PAPPA2: variants seen among roughly 807,000 people sequenced by gnomAD.
PAPPA2 encodes the protein pappalysin 2.
In PAPPA2, 86 loss-of-function variants were observed where a neutral mutation model predicts 176.4. The observed-to-expected ratio is 0.49, with a 90% CI of 0.41 to 0.58. PAPPA2 has a LOEUF of 0.58. Among genes scored for constraint, PAPPA2 ranks in the 20% least tolerant of loss-of-function variants. The probability of loss-of-function intolerance (pLI) is 0.00; values close to 1 mark genes in which losing one functional copy is unlikely to be tolerated. For synonymous variants in PAPPA2, 809 were observed against 852.2 expected (o/e 0.95, Z 0.88); for missense variants, 2,073 against 2,256.9 (o/e 0.92, Z 1.65).
intron 3 of PAPPA2, among the ~76,000 whole-genome samples, chr1:176,668,800 A>T (rs1207068336): frequency 1.3e-5 from 2 of 152,176 alleles, no homozygotes; most frequent in Admixed American, 1.3e-4. Context: ...ACTTGACGAC[A>T]TATATCTGTA....
intron 3 of PAPPA2, among the ~76,000 whole-genome samples, chr1:176,625,671 C>A (rs541456253): frequency 6.6e-6 from 1 of 152,246 alleles, no homozygotes; most frequent in South Asian, 2.1e-4. Context: ...AAATTTATTT[C>A]AAAAATAGAG....
At chr1:176,706,564 T>C (rs1368714502) in intron 10 of PAPPA2, 114 bp downstream of exon 10, 1 of 836,662 alleles carries the variant, frequency 1.2e-6, no homozygotes, top group Non-Finnish European at 1.9e-6. Context: ...TAACCTCTGA[T>C]GTGTCCCTTG....
chr1:176,842,715 AT>A lies in PAPPA2; in HGVS notation c.*262del, dbSNP rs2102995041. On this transcript the variant is annotated 3_prime_UTR_variant, in exon 23 of 23. Transcript: ENST00000367662. ...ACATGGAAGGGGAAATATGATAGAT[AT>A]ATAAGGACCCTCCTCCCTCACTTAT... The A allele has an allele frequency of 2.1e-6, 1 of 465,688 alleles. No individual in the cohort carries two copies. The highest frequency in any genetic ancestry group is 2.0e-5 in the African/African-American group (1 of 50,486). 28.8% of individuals were successfully genotyped at this position (465,688 alleles called of 1,614,324 possible). A position where few individuals can be genotyped will look rare whatever the true frequency, so the allele number is the denominator to read the frequency against.
chr1:176,621,376 T>C (rs762218350), intron 3 of PAPPA2, among the ~76,000 whole-genome samples: 8 of 152,162 alleles, frequency 5.3e-5, no homozygotes, highest in African/African-American at 1.9e-4. Flanking sequence ...GGCACAGTGA[T>C]AGACAAACGG....
At chr1:176,659,775 T>C (rs1323913881) in intron 3 of PAPPA2, among the ~76,000 whole-genome samples, 1 of 152,100 alleles carries the variant, frequency 6.6e-6, no homozygotes, top group Non-Finnish European at 1.5e-5. Context: ...TAAGAACTTA[T>C]CTCTTTAATG....
intron 6 of PAPPA2, among the ~76,000 whole-genome samples, chr1:176,694,566 T>C (rs966572709): frequency 1.3e-5 from 2 of 152,246 alleles, no homozygotes; most frequent in African/African-American, 4.8e-5. Context: ...AAGATGTTAT[T>C]GAGACCCTGA....
At position 176,771,164 on chromosome 1, in the gene PAPPA2, G is replaced by A. The variant is rs763531178; in HGVS notation, c.4699G>A (p.Glu1567Lys). Residue 1567 changes from glutamate (E) to lysine (K), a missense_variant, in exon 17 of 23, where the codon GAG (glutamate) becomes AAG (lysine). Transcript: ENST00000367662. The stretch of plus-strand genomic sequence containing the variant: ...AGGGTACTATGTGGCAGAAAGTGCA[G>A]AGGGTAAAGTCAGGAAGTAAGTTGA... Reference protein sequence around the residue: ...KPGYYVAESAEGKVRNKLLKI... With the variant: ...KPGYYVAESAKGKVRNKLLKI... 2 of 1,614,188 alleles carry A rather than the reference G, an allele frequency of 1.2e-6. No individual in the cohort carries two copies. Among genetic ancestry groups the A allele is most frequent in the South Asian group, 2.2e-5 (2 of 91,088 alleles).
chr1:176,826,465 G>A (rs1183099871), intron 21 of PAPPA2, among the ~76,000 whole-genome samples: 1 of 152,176 alleles, frequency 6.6e-6, no homozygotes, highest in Admixed American at 6.5e-5. Flanking sequence ...CAAGACACTC[G>A]CACAGAGAAT....
At chr1:176,829,628 C>T (rs1667008983) in intron 21 of PAPPA2, among the ~76,000 whole-genome samples, 1 of 152,240 alleles carries the variant, frequency 6.6e-6, no homozygotes, top group South Asian at 2.1e-4. Context: ...TGTCCCGGGC[C>T]TTCTTGTGGG....
At position 176,695,855 on chromosome 1, in the gene PAPPA2, T is replaced by A. The variant is rs749855203; in HGVS notation, c.2742T>A (p.Ala914=). Residue 914 remains alanine (A), a synonymous_variant, in exon 7 of 23, where the codon GCT becomes GCA. Transcript: ENST00000367662. ...DSSGYWTPEE[A]VGPPDVDQPC... ...CAGGTTATTGGACCCCAGAGGAGGCTGTGGGTAAAGTACCATGACATTTTT... is the reference window on the plus strand; with the variant it reads ...CAGGTTATTGGACCCCAGAGGAGGCAGTGGGTAAAGTACCATGACATTTTT... 3 of 1,613,770 alleles carry A rather than the reference T, an allele frequency of 1.9e-6. No homozygotes were observed. Among genetic ancestry groups the A allele is most frequent in the Non-Finnish European group, 2.5e-6 (3 of 1,179,980 alleles).
intron 17 of PAPPA2, among the ~76,000 whole-genome samples, chr1:176,775,972 G>T (rs768764050): frequency 6.6e-6 from 1 of 152,278 alleles, no homozygotes; most frequent in South Asian, 2.1e-4. Context: ...AGGTTGTAAA[G>T]TATATGTAGT....
chr1:176,818,772 T>C (rs1457463526), intron 21 of PAPPA2, among the ~76,000 whole-genome samples: 1 of 152,310 alleles, frequency 6.6e-6, no homozygotes, highest in South Asian at 2.1e-4. Context: ...GCTGAAGCCC[T>C]GTGGCAATTC....
chr1:176,628,386 T>A (rs190505465), intron 3 of PAPPA2, among the ~76,000 whole-genome samples: 2 of 152,274 alleles, frequency 1.3e-5, no homozygotes, highest in East Asian at 3.9e-4. Flanking sequence ...ATCTTTCAAT[T>A]AATGAACTTG....
At chr1:176,495,680 T>C (rs964862081) in intron 1 of PAPPA2, among the ~76,000 whole-genome samples, 26 of 152,172 alleles carry the variant, frequency 1.7e-4, no homozygotes, top group African/African-American at 6.3e-4. Context: ...AAAATATAGG[T>C]ATTGTTTATT....
intron 22 of PAPPA2, among the ~76,000 whole-genome samples, chr1:176,841,400 T>G (rs1174898674): frequency 6.6e-6 from 1 of 152,084 alleles, no homozygotes; most frequent in South Asian, 2.1e-4. Context: ...TAGAGTAATG[T>G]GCAAATATGC....
chr1:176,789,776 C>A (rs1485314695), intron 17 of PAPPA2, 33 bp from the exon 18 acceptor site: 1 of 1,582,554 alleles, frequency 6.3e-7, no homozygotes, highest in South Asian at 1.1e-5. Context: ...TTGAAAGATT[C>A]TGATGAGCTA....
At chr1:176,730,021 T>C (rs1424922363) in intron 12 of PAPPA2, among the ~76,000 whole-genome samples, 2 of 152,030 alleles carry the variant, frequency 1.3e-5, no homozygotes, top group Non-Finnish European at 2.9e-5. Context: ...TACATACTTA[T>C]TGTATATTTT....
chr1:176,674,122 T>C (rs547401745), intron 4 of PAPPA2, among the ~76,000 whole-genome samples: 1 of 152,118 alleles, frequency 6.6e-6, no homozygotes, highest in South Asian at 2.1e-4. Flanking sequence ...GAACAGTGAT[T>C]TTAGGAGTCT....
At chr1:176,696,998 A>G (rs1660417548) in intron 7 of PAPPA2, among the ~76,000 whole-genome samples, 1 of 152,148 alleles carries the variant, frequency 6.6e-6, no homozygotes, top group African/African-American at 2.4e-5. Flanking sequence ...AATTTACTGC[A>G]TTGGACTCTA....
Sources: allele counts gnomAD v4.1 joint callset (sites outside exome capture counted in the v4.1 genomes callset), GRCh38; gene constraint gnomAD v4.1.1; transcripts MANE v1.5; gene names NCBI Gene and HGNC (gene_info 2026-07-23, HGNC 2026-07-21).